Variants in DIAPH2 observed in about 807,000 individuals in gnomAD.
DIAPH2 encodes protein diaphanous homolog 2.
In DIAPH2, 35 loss-of-function variants were observed where a neutral mutation model predicts 92.7. The observed-to-expected ratio is 0.38, with a 90% CI of 0.29 to 0.50. DIAPH2 has a LOEUF of 0.50. Ranked by LOEUF, DIAPH2 falls within the 20% of genes least tolerant of loss-of-function variation. The probability of loss-of-function intolerance (pLI) is 0.94; values close to 1 mark genes in which losing one functional copy is unlikely to be tolerated. For missense variants in DIAPH2, 701 were observed against 819.5 expected, an observed-to-expected ratio of 0.86 and a Z score of 1.77; for synonymous variants, 301 against 280.4, an observed-to-expected ratio of 1.07 and a Z score of -0.73.
intron 3 of DIAPH2, among the ~76,000 whole-genome samples, chrX:96,751,336 G>A (rs2064185677): frequency 9.1e-6 from 1 of 109,792 alleles, no homozygotes. Context: ...CAGCACTTTG[G>A]GAGGCCGAGG....
At chrX:97,528,879 C>T (rs1939567228) in intron 26 of DIAPH2, 1 of 111,053 alleles carries the variant, frequency 9.0e-6, no homozygotes, top group Admixed American at 9.5e-5. Flanking sequence ...AGGAGACCAG[C>T]TTGGCCAACA....
intron 5 of DIAPH2, among the ~76,000 whole-genome samples, chrX:96,906,493 T>A (rs2065435015): frequency 8.9e-6 from 1 of 112,384 alleles, no homozygotes; most frequent in Non-Finnish European, 1.9e-5. Context: ...AATGGCTTTA[T>A]TGTGATGTTT....
At chrX:97,302,193 T>C (rs1338990863) in intron 23 of DIAPH2, among the ~76,000 whole-genome samples, 1 of 64,047 alleles carries the variant, frequency 1.6e-5, no homozygotes. Context: ...AGCCTGACGA[T>C]AGAGCAAGAC....
intron 4 of DIAPH2, among the ~76,000 whole-genome samples, chrX:96,807,863 C>G (rs771760289): frequency 2.1e-5 from 2 of 96,544 alleles, no homozygotes; most frequent in South Asian, 5.2e-4. Context: ...GAAGGACACT[C>G]AGAGGACACC....
chrX:96,763,138 G>A, intron 4 of DIAPH2: 1 of 945,506 alleles, frequency 1.1e-6, no homozygotes, highest in Middle Eastern at 3.0e-4. Context: ...CAAAAGATGT[G>A]TTTTACCCTT....
intron 17 of DIAPH2, among the ~76,000 whole-genome samples, chrX:96,999,566 A>C (rs1414695347): frequency 9.2e-6 from 1 of 108,943 alleles, no homozygotes; most frequent in Non-Finnish European, 1.9e-5. Flanking sequence ...GTGTGGTAGT[A>C]CTTGTACTTC....
Position 97,553,441 on chromosome X carries a change from C to T in DIAPH2, c.3242-45812C>T, listed in dbSNP as rs147552943. ...GGCATGGAAATGATGTATTTTATTG[C>T]CTTTAACTTCTAATACCCCCTTAAT... On this transcript the variant is annotated intron_variant, in intron 26 of 26. Transcript: ENST00000324765. Among the ~76,000 whole-genome samples, 870 of 110,869 alleles carry T rather than the reference C, an allele frequency of 7.8e-3. 9 individuals are homozygous for T. The highest frequency in any genetic ancestry group is 0.028 in the African/African-American group (844 of 30,554).
chrX:96,757,241 C>T (rs1438824959), intron 3 of DIAPH2, among the ~76,000 whole-genome samples: 1 of 111,382 alleles, frequency 9.0e-6, no homozygotes, highest in Admixed American at 9.6e-5. Flanking sequence ...AGAAAAATGC[C>T]TATTCAAGTG....
At chrX:96,916,669 C>T in intron 8 of DIAPH2, 95 bp downstream of exon 8, 1 of 884,510 alleles carries the variant, frequency 1.1e-6, no homozygotes, top group Non-Finnish European at 1.5e-6. Context: ...GGATAACTTT[C>T]ATGAAAACAG....
intron 26 of DIAPH2, among the ~76,000 whole-genome samples, chrX:97,505,802 C>G (rs1022459678): frequency 9.0e-6 from 1 of 110,940 alleles, no homozygotes; most frequent in African/African-American, 3.3e-5. Context: ...CTAAAAATGT[C>G]AAATAATTTG....
rs1410104848 is a variant in DIAPH2 at position 96,899,784 on chromosome X, G to T, written c.588-12544G>T. On this transcript the variant is annotated intron_variant, in intron 5 of 26. Coordinates refer to ENST00000324765, the MANE Select transcript of DIAPH2 (RefSeq NM_006729.5). Reference sequence around the variant, plus strand: ...ACTATGTTGAATAGGAGTGGTGAGAGAGGGCATCCCTGTCTTGTGCCAGTT... The same window carrying T: ...ACTATGTTGAATAGGAGTGGTGAGATAGGGCATCCCTGTCTTGTGCCAGTT... Among the ~76,000 whole-genome samples, 5 of 109,822 alleles carry T rather than the reference G, an allele frequency of 4.6e-5. No individual in the cohort carries two copies. The East Asian group carries it at 1.4e-3, about 32-fold the overall frequency.
At position 96,962,354 on chromosome X, in the gene DIAPH2, C is replaced by T. The variant is rs189169295; in HGVS notation, c.1936-2739C>T. ...ATATATATACATATATATATATACA[C>T]ATATATATATACACATATATATATA... On this transcript the variant is annotated intron_variant, in intron 16 of 26. Coordinates refer to ENST00000324765, the MANE Select transcript of DIAPH2 (RefSeq NM_006729.5). Among the ~76,000 whole-genome samples, 18 of 42,121 alleles carry T rather than the reference C, an allele frequency of 4.3e-4. 1 individual carries two copies. The highest frequency in any genetic ancestry group is 1.3e-3 in the African/African-American group (15 of 11,312). The allele number at this position is 42,121 out of a possible 115,157, so 36.6% of individuals were successfully genotyped here.
chrX:97,348,401 G>T, intron 24 of DIAPH2, 121 bp downstream of exon 24: 1 of 618,879 alleles, frequency 1.6e-6, no homozygotes, highest in Non-Finnish European at 2.4e-6. Context: ...TTTTTAATAA[G>T]AATTGACAGA....
chrX:97,329,279 T>A (rs1027228792), intron 23 of DIAPH2, among the ~76,000 whole-genome samples: 2 of 112,439 alleles, frequency 1.8e-5, no homozygotes, highest in African/African-American at 6.5e-5. Flanking sequence ...CTTGACAATG[T>A]CTGGGCATTT....
intron 23 of DIAPH2, among the ~76,000 whole-genome samples, chrX:97,320,744 C>T (rs1187784550): frequency 3.8e-5 from 4 of 105,337 alleles, no homozygotes; most frequent in African/African-American, 1.0e-4. Context: ...AAAAATCTCT[C>T]AAGTTGAGGC....
Position 97,306,968 on chromosome X carries a change from T to C in DIAPH2, c.2845-41148T>C, listed in dbSNP as rs918514609. On this transcript the variant is annotated intron_variant, in intron 23 of 26. Transcript: ENST00000324765. ...AGGGGCACCGAATTGTTACATTTAA[T>C]TGGATTATTGGATAGATAATGAATT... 9.8e-5 allele frequency among the ~76,000 whole-genome samples: 11 copies of C among 112,216 alleles called. 1 individual carries two copies. The highest frequency in any genetic ancestry group is 4.8e-4 in the Admixed American group (5 of 10,524).
At chrX:97,000,799 C>T (rs983018263) in intron 17 of DIAPH2, among the ~76,000 whole-genome samples, 1 of 111,943 alleles carries the variant, frequency 8.9e-6, no homozygotes, top group African/African-American at 3.2e-5. Flanking sequence ...CCATTGCTCT[C>T]AAATTCAATG....
chrX:96,962,528 C>A (rs2147823309), intron 16 of DIAPH2, among the ~76,000 whole-genome samples: 1 of 80,501 alleles, frequency 1.2e-5, no homozygotes, highest in East Asian at 3.9e-4. Flanking sequence ...TATATACCTA[C>A]TTTGTCTCTT....
chrX:97,357,548 T>A, intron 24 of DIAPH2, among the ~76,000 whole-genome samples: 1 of 108,890 alleles, frequency 9.2e-6, no homozygotes, highest in Non-Finnish European at 1.9e-5. Flanking sequence ...TCGGTGTAGA[T>A]TACCCTTCTC....
Sources: allele counts gnomAD v4.1 joint callset (sites outside exome capture counted in the v4.1 genomes callset), GRCh38; gene constraint gnomAD v4.1.1; transcripts MANE v1.5; gene names NCBI Gene and HGNC (gene_info 2026-07-23, HGNC 2026-07-21).